The following ZBTB20 variants were observed in gnomAD, a reference collection of about 807,000 sequenced individuals.
ZBTB20 encodes zinc finger and BTB domain-containing protein 20.
In ZBTB20, 9 loss-of-function variants were observed where a neutral mutation model predicts 56.9. That is an observed-to-expected ratio of 0.16 (90% CI 0.10 to 0.28). The LOEUF (loss-of-function observed/expected upper bound fraction) is 0.28, where lower values mean the gene tolerates loss of function less well. ZBTB20 is among the 10% of genes least tolerant of loss of function. The probability of loss-of-function intolerance (pLI) is 1.00; values close to 1 mark genes in which losing one functional copy is unlikely to be tolerated. For missense variants in ZBTB20, 655 were observed against 1,003.0 expected (o/e 0.65, Z 4.69); for synonymous variants, 417 against 420.7 (o/e 0.99, Z 0.11).
chr3:114,956,922 T>C (rs1017111967), intron 3 of ZBTB20, among the ~76,000 whole-genome samples: 1 of 152,202 alleles, frequency 6.6e-6, no homozygotes, highest in African/African-American at 2.4e-5. Flanking sequence ...CAATGTACAC[T>C]GTTCCAGCAA....
At chr3:114,655,427 T>G (rs1038549411) in intron 6 of ZBTB20, among the ~76,000 whole-genome samples, 3 of 151,148 alleles carry the variant, frequency 2.0e-5, no homozygotes, top group Admixed American at 2.0e-4. Flanking sequence ...TAATTTTTTG[T>G]ATTTTTAGTA....
At chr3:114,857,339 G>A (rs1237346972) in intron 4 of ZBTB20, among the ~76,000 whole-genome samples, 1 of 152,138 alleles carries the variant, frequency 6.6e-6, no homozygotes, top group African/African-American at 2.4e-5. Flanking sequence ...ATATTTTAAT[G>A]TGCAGGGTGT....
chr3:115,085,565 T>C (rs769478721), intron 1 of ZBTB20, among the ~76,000 whole-genome samples: 8 of 152,114 alleles, frequency 5.3e-5, no homozygotes, highest in Admixed American at 1.3e-4. Context: ...AAAATGTCCA[T>C]AGACATAAAA....
At chr3:114,967,700 T>C (rs2077701223) in intron 3 of ZBTB20, among the ~76,000 whole-genome samples, 1 of 152,078 alleles carries the variant, frequency 6.6e-6, no homozygotes, top group Non-Finnish European at 1.5e-5. Context: ...CTCACGCCTG[T>C]AATCTCAACA....
chr3:115,051,666 C>T (rs2081553167), intron 2 of ZBTB20, among the ~76,000 whole-genome samples: 1 of 152,038 alleles, frequency 6.6e-6, no homozygotes, highest in African/African-American at 2.4e-5. Context: ...TTGACAAACC[C>T]GTGTTTTGTA....
At chr3:114,763,021 T>A (rs1388134689) in intron 5 of ZBTB20, among the ~76,000 whole-genome samples, 1 of 152,206 alleles carries the variant, frequency 6.6e-6, no homozygotes, top group Non-Finnish European at 1.5e-5. Context: ...TAAACTTATA[T>A]ATTTTCACAT....
intron 7 of ZBTB20, among the ~76,000 whole-genome samples, chr3:114,471,676 C>T (rs1398694702): frequency 1.3e-5 from 2 of 152,042 alleles, no homozygotes; most frequent in African/African-American, 2.4e-5. Flanking sequence ...TTTTCCTTTA[C>T]AAATGTAAAT....
rs2078898463 is a variant in ZBTB20 at position 114,321,644 on chromosome 3, G to T, written c.*17361C>A. ...AAGAGTTGAGCTCGGTAGCCAACTA[G>T]TGTGAAGTTTTCTTCCAGGAAAAAA... On this transcript the variant is annotated 3_prime_UTR_variant, in exon 12 of 12. Transcript: ENST00000675478. The T allele has an allele frequency of 6.6e-6, 1 of 152,220 alleles. No individual in the cohort carries two copies. The highest frequency in any genetic ancestry group is 1.5e-5 in the Non-Finnish European group (1 of 68,046). The allele number at this position is 152,220 out of a possible 1,614,324, so 9.4% of individuals were successfully genotyped here. A position where few individuals can be genotyped will look rare whatever the true frequency, so the allele number is the denominator to read the frequency against.
chr3:114,338,481 T>A lies in ZBTB20; in HGVS notation c.*524A>T, dbSNP rs1225333817. On this transcript the variant is annotated 3_prime_UTR_variant, in exon 12 of 12. Coordinates refer to ENST00000675478, the MANE Select transcript of ZBTB20 (RefSeq NM_001348800.3). Reference sequence around the variant, plus strand: ...AGGTGGAAAACAGCAGGGCCTTTCCTCTGGGTTTTCAACCAGAAGTGATAT... The same window carrying A: ...AGGTGGAAAACAGCAGGGCCTTTCCACTGGGTTTTCAACCAGAAGTGATAT... 1 of 152,392 alleles carries A rather than the reference T, an allele frequency of 6.6e-6. No individual in the cohort carries two copies. The highest frequency in any genetic ancestry group is 1.5e-5 in the Non-Finnish European group (1 of 68,042). 9.4% of individuals were successfully genotyped at this position (152,392 alleles called of 1,614,324 possible).
intron 5 of ZBTB20, among the ~76,000 whole-genome samples, chr3:114,790,098 C>T (rs1387255718): frequency 1.3e-5 from 2 of 152,116 alleles, no homozygotes; most frequent in Non-Finnish European, 2.9e-5. Context: ...AATCAGTCTG[C>T]TTACAGTATG....
At chr3:115,112,347 G>A (rs773466575) in intron 1 of ZBTB20, among the ~76,000 whole-genome samples, 2 of 151,180 alleles carry the variant, frequency 1.3e-5, no homozygotes, top group Non-Finnish European at 2.9e-5. Flanking sequence ...TAGCTATTTT[G>A]CAATATAGAA....
intron 7 of ZBTB20, among the ~76,000 whole-genome samples, chr3:114,484,746 T>C (rs995076030): frequency 1.7e-4 from 26 of 152,214 alleles, no homozygotes; most frequent in African/African-American, 6.3e-4. Context: ...GGCCCCATTA[T>C]AGGCAGATTT....
chr3:115,082,818 A>T (rs1452032834), intron 1 of ZBTB20, among the ~76,000 whole-genome samples: 2 of 152,084 alleles, frequency 1.3e-5, no homozygotes, highest in African/African-American at 4.8e-5. Flanking sequence ...CCTTCCTTAC[A>T]TGTGTGTACA....
intron 3 of ZBTB20, among the ~76,000 whole-genome samples, chr3:114,947,320 A>C (rs541532007): frequency 1.4e-5 from 2 of 146,374 alleles, no homozygotes; most frequent in East Asian, 3.9e-4. Context: ...ATATACCCCC[A>C]AAAAGAAATT....
intron 6 of ZBTB20, among the ~76,000 whole-genome samples, chr3:114,662,749 GTTGT>G (rs1401636930): frequency 6.6e-6 from 1 of 151,052 alleles, no homozygotes; most frequent in Non-Finnish European, 1.5e-5. Context: ...TTTTGATGGG[GTTGT>G]TTGTTTTTTT....
At chr3:114,756,329 A>C (rs2068009979) in intron 5 of ZBTB20, among the ~76,000 whole-genome samples, 1 of 152,152 alleles carries the variant, frequency 6.6e-6, no homozygotes, top group South Asian at 2.1e-4. Context: ...TATAAAATTA[A>C]AATACCACCA....
intron 1 of ZBTB20, among the ~76,000 whole-genome samples, chr3:115,073,409 A>C (rs771957582): frequency 1.3e-5 from 2 of 152,128 alleles, no homozygotes; most frequent in Non-Finnish European, 1.5e-5. Flanking sequence ...GGGTTTCCCT[A>C]ATTGTTCTGA....
intron 7 of ZBTB20, among the ~76,000 whole-genome samples, chr3:114,428,247 A>G (rs1201095985): frequency 6.6e-6 from 1 of 152,218 alleles, no homozygotes; most frequent in East Asian, 1.9e-4. Context: ...AACCACGTTC[A>G]CAATGGGGAC....
chr3:114,489,430 T>C (rs890775042), intron 7 of ZBTB20, among the ~76,000 whole-genome samples: 1 of 152,154 alleles, frequency 6.6e-6, no homozygotes, highest in Non-Finnish European at 1.5e-5. Context: ...TAGGGCATGG[T>C]TAGGTAAATT....
Sources: allele counts gnomAD v4.1 joint callset (sites outside exome capture counted in the v4.1 genomes callset), GRCh38; gene constraint gnomAD v4.1.1; transcripts MANE v1.5; gene names NCBI Gene and HGNC (gene_info 2026-07-23, HGNC 2026-07-21).